Variants in CDCA7L observed in about 807,000 individuals in gnomAD.
CDCA7L encodes the protein cell division cycle associated 7 like, also known as cell division cycle-associated 7-like protein.
CDCA7L carries 44 observed loss-of-function variants against 57.4 expected under a neutral mutation model. The observed-to-expected ratio is 0.77, with a 90% CI of 0.60 to 0.98. The LOEUF (loss-of-function observed/expected upper bound fraction) is 0.98. Among genes scored for constraint, CDCA7L ranks in the 50% least tolerant of loss-of-function variants. The pLI, the probability that CDCA7L is intolerant of heterozygous loss-of-function variation, is 0.00. For synonymous variants in CDCA7L, 236 were observed against 202.8 expected (o/e 1.16, Z -1.39); for missense variants, 644 against 580.6 (o/e 1.11, Z -1.12).
At chr7:21,937,765 G>A (rs1353661513) in intron 1 of CDCA7L, among the ~76,000 whole-genome samples, 2 of 152,096 alleles carry the variant, frequency 1.3e-5, no homozygotes, top group African/African-American at 2.4e-5. Flanking sequence ...ATATATCAAT[G>A]GAAATGAATA....
intron 1 of CDCA7L, among the ~76,000 whole-genome samples, chr7:21,925,297 T>C (rs1195321941): frequency 6.6e-6 from 1 of 152,100 alleles, no homozygotes; most frequent in African/African-American, 2.4e-5. Context: ...ATGAAAAGAA[T>C]GGCAAGTAAA....
chr7:21,944,328 G>A (rs1192785042), intron 1 of CDCA7L, among the ~76,000 whole-genome samples: 1 of 150,568 alleles, frequency 6.6e-6, no homozygotes, highest in African/African-American at 2.4e-5. Flanking sequence ...GCGGGCGCCT[G>A]TAATCCCAGC....
intron 1 of CDCA7L, 44 bp from the exon 2 acceptor site, chr7:21,916,938 GC>G (rs1486614529): frequency 1.2e-6 from 2 of 1,610,394 alleles, no homozygotes; most frequent in Middle Eastern, 1.7e-4. Flanking sequence ...AGGGGTTCTT[GC>G]TAATCACTTA....
Position 21,902,084 on chromosome 7 carries a change from T to C in CDCA7L, c.*238A>G, listed in dbSNP as rs1784907126. Reference sequence around the variant, plus strand: ...CTTTTTAATAACTGGCAGATATTTTTAACAAAGTTCAGCATACAGACAGGT... The same window carrying C: ...CTTTTTAATAACTGGCAGATATTTTCAACAAAGTTCAGCATACAGACAGGT... On this transcript the variant is annotated 3_prime_UTR_variant, in exon 10 of 10. Coordinates refer to ENST00000406877, the MANE Select transcript of CDCA7L (RefSeq NM_018719.5). 4 of 514,826 alleles carry C rather than the reference T, an allele frequency of 7.8e-6. No homozygotes were observed. Among genetic ancestry groups the C allele is most frequent in the South Asian group, 3.1e-5 (1 of 32,620 alleles). 31.9% of individuals were successfully genotyped at this position (514,826 alleles called of 1,614,324 possible). A position where few individuals can be genotyped will look rare whatever the true frequency, so the allele number is the denominator to read the frequency against.
At position 21,908,494 on chromosome 7, in the gene CDCA7L, T is replaced by G; in HGVS notation, c.317A>C (p.Asp106Ala). ...AGATGCTTTGCCATCATCACTCAAA[T>G]CTGACTCCACGACCTAATAAAATAA... ...TNPEVMVVES[D>A]LSDDGKASLV... is the part of the protein sequence containing the mutation. Residue 106 changes from aspartate (D) to alanine (A), a missense_variant, in exon 4 of 10, where the codon GAT (aspartate) becomes GCT (alanine). Asp to Ala is a moderately radical substitution (Grantham distance 126). Coordinates refer to ENST00000406877, the MANE Select transcript of CDCA7L (RefSeq NM_018719.5). 6.5e-7 allele frequency: 1 copy of G among 1,532,086 alleles called. No individual in the cohort carries two copies. The allele number at this position is 1,532,086 out of a possible 1,614,324, so 94.9% of individuals were successfully genotyped here.
chr7:21,902,428 A>AATCATCTAAGAGTAC, intron 9 of CDCA7L, 76 bp from the exon 10 acceptor site: 2 of 1,401,246 alleles, frequency 1.4e-6, no homozygotes, highest in Admixed American at 3.4e-5. Flanking sequence ...GAGATTCCAC[A>AATCATCTAAGAGTAC]ATCATCTAAG....
In CDCA7L at chr7:21,945,798, A is replaced by C; in HGVS notation, c.7T>G (p.Leu3Val). The C allele has an allele frequency of 6.3e-7, 1 of 1,598,404 alleles. No homozygotes were observed. Among genetic ancestry groups the C allele is most frequent in the Non-Finnish European group, 8.5e-7 (1 of 1,173,938 alleles). ME[L>V]ATRYQIPKEV... ...ACCCTCACCTGGTAGCGAGTCGCCA[A>C]CTCCATTCTTCCTAACCGGGCTCCA... The change falls in exon 1 of 10, where the codon TTG becomes GTG. Residue 3 changes from leucine to valine, a missense_variant. Physicochemically the swap from Leu to Val is conservative, Grantham distance 32. Transcript: ENST00000406877.
chr7:21,936,683 C>T (rs563517302), intron 1 of CDCA7L, among the ~76,000 whole-genome samples: 1 of 151,676 alleles, frequency 6.6e-6, no homozygotes, highest in African/African-American at 2.4e-5. Flanking sequence ...AGGCTATATA[C>T]GAAAAACCCG....
intron 1 of CDCA7L, among the ~76,000 whole-genome samples, chr7:21,928,769 A>G (rs1414852687): frequency 6.6e-6 from 1 of 152,052 alleles, no homozygotes; most frequent in East Asian, 1.9e-4. Context: ...AGAGTGAAAA[A>G]GGAACAAAAA....
intron 9 of CDCA7L, 29 bp from the exon 10 acceptor site, chr7:21,902,381 A>AT: frequency 6.2e-7 from 1 of 1,604,768 alleles, no homozygotes; most frequent in Non-Finnish European, 8.5e-7. Flanking sequence ...GTATTTGGTA[A>AT]AGTAGTACAA....
At position 21,901,979 on chromosome 7, in the gene CDCA7L, TC is replaced by T; in HGVS notation, c.*342del. The T allele has an allele frequency of 3.7e-6, 1 of 272,702 alleles. No homozygotes were observed. Among genetic ancestry groups the T allele is most frequent in the Non-Finnish European group, 7.0e-6 (1 of 143,084 alleles). 16.9% of individuals were successfully genotyped at this position (272,702 alleles called of 1,614,324 possible). On this transcript the variant is annotated 3_prime_UTR_variant, in exon 10 of 10. Coordinates refer to ENST00000406877, the MANE Select transcript of CDCA7L (RefSeq NM_018719.5). Reference sequence around the variant, plus strand: ...GTTTGGGAAGCCAAAGATAGATAGATCAAGTGCAGGAGCTGATCATACAATG... The same window carrying T: ...GTTTGGGAAGCCAAAGATAGATAGATAAGTGCAGGAGCTGATCATACAATG...
intron 1 of CDCA7L, among the ~76,000 whole-genome samples, chr7:21,939,876 T>G (rs1786285707): frequency 6.9e-6 from 1 of 145,280 alleles, no homozygotes; most frequent in Admixed American, 7.2e-5. Context: ...AATCCAAAAC[T>G]GAAATAGGAG....
chr7:21,941,383 C>T (rs1583882251), intron 1 of CDCA7L, among the ~76,000 whole-genome samples: 2 of 152,144 alleles, frequency 1.3e-5, no homozygotes, highest in African/African-American at 4.8e-5. Flanking sequence ...ACAAAGATGA[C>T]GACTGTGCTA....
chr7:21,904,148 G>T lies in CDCA7L; in HGVS notation c.1159C>A (p.Arg387Ser). ...GQFCGPCLRN[R>S]YGEDVRSALL... Reference sequence around the variant, plus strand: ...GCCGATCTGACATCCTCCCCATAGCGGTTCCGCAGGCATGGTCCACAGAAC... The same window carrying T: ...GCCGATCTGACATCCTCCCCATAGCTGTTCCGCAGGCATGGTCCACAGAAC... The change falls in exon 8 of 10, where the codon CGC becomes AGC. Residue 387 changes from arginine (R) to serine (S), a missense_variant. Arg to Ser is a moderately radical substitution (Grantham distance 110). Coordinates refer to ENST00000406877, the MANE Select transcript of CDCA7L (RefSeq NM_018719.5). The T allele has an allele frequency of 6.2e-7, 1 of 1,612,080 alleles. No individual in the cohort carries two copies. Among genetic ancestry groups the T allele is most frequent in the Non-Finnish European group, 8.5e-7 (1 of 1,179,104 alleles).
intron 5 of CDCA7L, 21 bp from the exon 6 acceptor site, chr7:21,906,477 A>G: frequency 6.2e-7 from 1 of 1,610,468 alleles, no homozygotes; most frequent in Non-Finnish European, 8.5e-7. Context: ...GAGCACAGAC[A>G]GAGACAACTG....
rs1051535059 is a variant in CDCA7L, at chr7:21,903,209, T to G, written c.1198-95A>C. 2.5e-5 allele frequency: 30 copies of G among 1,220,370 alleles called. No homozygotes were observed. In the East Asian group the frequency reaches 7.4e-4, roughly 30 times the overall value. The allele number at this position is 1,220,370 out of a possible 1,614,324, so 75.6% of individuals were successfully genotyped here. ...CCAGAATGGCTCAGCTGGCCTCTCC[T>G]CCAACCTTTAATCACATGGCATCTT... On this transcript the variant is annotated intron_variant, in intron 8 of 9. Coordinates refer to ENST00000406877, the MANE Select transcript of CDCA7L (RefSeq NM_018719.5).
chr7:21,906,428 G>C lies in CDCA7L; in HGVS notation c.782C>G (p.Ser261Trp). The C allele has an allele frequency of 1.2e-6, 2 of 1,611,000 alleles. No individual in the cohort carries two copies. The highest frequency in any genetic ancestry group is 2.2e-5 in the East Asian group (1 of 44,816). The change falls in exon 6 of 10, where the codon TCG (serine) becomes TGG (tryptophan). Residue 261 changes from serine to tryptophan, a missense_variant. Physicochemically the swap from Ser to Trp is radical, Grantham distance 177. Coordinates refer to ENST00000406877, the MANE Select transcript of CDCA7L (RefSeq NM_018719.5). Reference protein sequence around the residue: ...SRKKTVRRAFSEGQITRRMNP... With the variant: ...SRKKTVRRAFWEGQITRRMNP... ...CATACGCCGCGTGATCTGTCCCTCC[G>C]AGAAGGCCCGCCTCACTGTCTTCTT... is the stretch of plus-strand genomic sequence containing the variant.
At position 21,901,920 on chromosome 7, in the gene CDCA7L, G is replaced by T. The variant is rs142619820; in HGVS notation, c.*402C>A. ...GTGGTCTATTAAACTGTGGTCACTC[G>T]TGCTAAGGCACACTTGGCCTGGAGT... On this transcript the variant is annotated 3_prime_UTR_variant, in exon 10 of 10. Coordinates refer to ENST00000406877, the MANE Select transcript of CDCA7L (RefSeq NM_018719.5). The T allele has an allele frequency of 7.3e-4, 167 of 229,432 alleles. No individual in the cohort carries two copies. The highest frequency in any genetic ancestry group is 3.6e-3 in the African/African-American group (159 of 44,162). The allele number at this position is 229,432 out of a possible 1,614,324, so 14.2% of individuals were successfully genotyped here. A position where few individuals can be genotyped will look rare whatever the true frequency, so the allele number is the denominator to read the frequency against.
intron 1 of CDCA7L, among the ~76,000 whole-genome samples, chr7:21,929,631 C>CAAAAAAAAAAAGAAAAAAAAAAA (rs1785942356): frequency 2.8e-5 from 1 of 35,510 alleles, no homozygotes; most frequent in African/African-American, 1.5e-4. Flanking sequence ...AAATGGAAAG[C>CAAAAAAAAAAAGAAAAAAAAAAA]AAAAAAAAAA....
Sources: allele counts gnomAD v4.1 joint callset (sites outside exome capture counted in the v4.1 genomes callset), GRCh38; gene constraint gnomAD v4.1.1; transcripts MANE v1.5; gene names NCBI Gene and HGNC (gene_info 2026-07-23, HGNC 2026-07-21).